MEIS2: variants seen among roughly 807,000 people sequenced by gnomAD.
MEIS2 encodes Meis homeobox 2, also known as homeobox protein Meis2.
In MEIS2, 9 loss-of-function variants were observed where a neutral mutation model predicts 58.6. The ratio of observed to expected loss-of-function variants is 0.15; its 90% CI spans 0.09 to 0.27. MEIS2 has a LOEUF of 0.27. Among genes scored for constraint, MEIS2 ranks in the 10% least tolerant of loss-of-function variants. The probability of loss-of-function intolerance (pLI) is 1.00; values close to 1 mark genes in which losing one functional copy is unlikely to be tolerated. For missense variants in MEIS2, 427 were observed against 635.0 expected (o/e 0.67, Z 3.52); for synonymous variants, 221 against 228.4 (o/e 0.97, Z 0.29).
intron 8 of MEIS2, among the ~76,000 whole-genome samples, chr15:36,976,087 T>C (rs55977801): frequency 0.011 from 1,715 of 152,226 alleles, 35 homozygotes; most frequent in African/African-American, 0.038. Flanking sequence ...TAAAGAGTTT[T>C]ATTTTATTTT....
chr15:36,894,732 C>A (rs369556038), intron 11 of MEIS2: 4 of 1,612,494 alleles, frequency 2.5e-6, no homozygotes, highest in Non-Finnish European at 3.4e-6. Flanking sequence ...CCTTGCTTTG[C>A]GATTGCTTTA....
rs1218969913 is a variant in MEIS2 at position 36,892,100 on chromosome 15, A to G, written c.*73T>C. The G allele has an allele frequency of 2.2e-5, 32 of 1,487,924 alleles. No homozygotes were observed. The highest frequency in any genetic ancestry group is 2.6e-5 in the Non-Finnish European group (28 of 1,076,362). 92.2% of individuals were successfully genotyped at this position (1,487,924 alleles called of 1,614,324 possible). A position where few individuals can be genotyped will look rare whatever the true frequency, so the allele number is the denominator to read the frequency against. On this transcript the variant is annotated 3_prime_UTR_variant, in exon 12 of 12. Coordinates refer to ENST00000561208, the MANE Select transcript of MEIS2 (RefSeq NM_170675.5). Reference sequence around the variant, plus strand: ...GTCTGGAATTTCATATTAAGTGTCAACATCTGGTCAAAGTTCAGAAAGTCT... The same window carrying G: ...GTCTGGAATTTCATATTAAGTGTCAGCATCTGGTCAAAGTTCAGAAAGTCT...
At chr15:36,918,368 G>T (rs566752559) in intron 9 of MEIS2, among the ~76,000 whole-genome samples, 62 of 152,192 alleles carry the variant, frequency 4.1e-4, no homozygotes, top group African/African-American at 1.4e-3. Context: ...TGTAAAATGA[G>T]AATAAATTAT....
At chr15:36,993,972 AT>A in intron 8 of MEIS2, among the ~76,000 whole-genome samples, 2 of 152,202 alleles carry the variant, frequency 1.3e-5, no homozygotes, top group Non-Finnish European at 2.9e-5. Flanking sequence ...AGTTGAGATG[AT>A]TTTCAGGGTC....
At chr15:37,015,191 C>T (rs1369987339) in intron 8 of MEIS2, among the ~76,000 whole-genome samples, 1 of 152,194 alleles carries the variant, frequency 6.6e-6, no homozygotes, top group African/African-American at 2.4e-5. Context: ...TAACGTGCAG[C>T]CCCAGAGGGC....
chr15:37,030,006 A>ATCAG (rs140798436), intron 8 of MEIS2, among the ~76,000 whole-genome samples: 2,631 of 152,172 alleles, frequency 0.017, 76 homozygotes, highest in African/African-American at 0.059. Flanking sequence ...TCTACAATCA[A>ATCAG]TCAATCAATA....
chr15:36,944,141 C>A (rs837133), intron 9 of MEIS2, among the ~76,000 whole-genome samples: 132,963 of 151,976 alleles, frequency 0.87, 58,331 homozygotes, highest in African/African-American at 0.94. Flanking sequence ...CTCTTATTCA[C>A]AATTGGTATG....
At chr15:37,082,995 A>G (rs1452427479) in intron 7 of MEIS2, among the ~76,000 whole-genome samples, 1 of 152,222 alleles carries the variant, frequency 6.6e-6, no homozygotes, top group Non-Finnish European at 1.5e-5. Flanking sequence ...AATATTAAAA[A>G]GTAAAATCTA....
chr15:36,991,789 T>C (rs1219297162), intron 8 of MEIS2, among the ~76,000 whole-genome samples: 8 of 119,172 alleles, frequency 6.7e-5, no homozygotes, highest in Admixed American at 5.0e-4. Flanking sequence ...TTTTCTTTTT[T>C]TTTTTTTTTT....
intron 8 of MEIS2, among the ~76,000 whole-genome samples, chr15:36,999,233 TAG>T (rs2060637997): frequency 6.6e-6 from 1 of 152,158 alleles, no homozygotes; most frequent in Admixed American, 6.5e-5. Flanking sequence ...ATTTAATATA[TAG>T]AGTGTCTACT....
rs1212253316 is a variant in MEIS2 at position 37,098,124 on chromosome 15, G to A, written c.88C>T (p.Pro30Ser). 6 of 1,613,418 alleles carry A rather than the reference G, an allele frequency of 3.7e-6. No homozygotes were observed. Among genetic ancestry groups the A allele is most frequent in the Middle Eastern group, 3.3e-4 (2 of 6,080 alleles). Residue 30 changes from proline (P) to serine (S), a missense_variant, in exon 2 of 12, where the codon CCG (proline) becomes TCG (serine). Physicochemically the swap from Pro to Ser is moderately conservative, Grantham distance 74. Coordinates refer to ENST00000561208, the MANE Select transcript of MEIS2 (RefSeq NM_170675.5). The part of the protein sequence containing the change: ...PASMYGDPHA[P>S]RPIPPVHHLN... ...TGGTGAACCGGGGGGATCGGCCGCG[G>A]CGCGTGAGGGTCTCCGTACATGGAA...
chr15:36,964,745 A>G (rs979727217), intron 8 of MEIS2, among the ~76,000 whole-genome samples: 1 of 152,166 alleles, frequency 6.6e-6, no homozygotes, highest in African/African-American at 2.4e-5. Context: ...ATTTGAATTT[A>G]AAGTGTAGAT....
intron 8 of MEIS2, among the ~76,000 whole-genome samples, chr15:37,015,866 A>G (rs1300462105): frequency 6.6e-6 from 1 of 152,024 alleles, no homozygotes; most frequent in East Asian, 1.9e-4. Context: ...CTACATATGG[A>G]TTTTTAAAGT....
At chr15:36,990,351 GA>G (rs921801880) in intron 8 of MEIS2, among the ~76,000 whole-genome samples, 188 of 140,478 alleles carry the variant, frequency 1.3e-3, no homozygotes, top group Non-Finnish European at 2.0e-3. Flanking sequence ...TGAATCTGCA[GA>G]AAAAAAAAAA....
rs1048000880 is a variant in MEIS2, at chr15:37,099,055, G to C, written c.12+400C>G. On this transcript the variant is annotated intron_variant, in intron 1 of 11. Coordinates refer to ENST00000561208, the MANE Select transcript of MEIS2 (RefSeq NM_170675.5). ...GGCGGCTCCTACGCAGCCCGTGCCCGCCCCGAGCCGCGCGAGCCACGGCGG... is the reference window on the plus strand; with the variant it reads ...GGCGGCTCCTACGCAGCCCGTGCCCCCCCCGAGCCGCGCGAGCCACGGCGG... The C allele has an allele frequency of 8.1e-6, 8 of 984,084 alleles. No individual in the cohort carries two copies. In the South Asian group the frequency reaches 2.7e-4, roughly 34 times the overall value. The allele number at this position is 984,084 out of a possible 1,614,324, so 61.0% of individuals were successfully genotyped here. A position where few individuals can be genotyped will look rare whatever the true frequency, so the allele number is the denominator to read the frequency against.
chr15:37,037,690 T>A (rs7167446), intron 7 of MEIS2, among the ~76,000 whole-genome samples: 2 of 152,114 alleles, frequency 1.3e-5, no homozygotes, highest in African/African-American at 4.8e-5. Context: ...TCTTGCCCTC[T>A]GGCAAAAATG....
chr15:36,912,319 A>T (rs2057070219), intron 9 of MEIS2, among the ~76,000 whole-genome samples: 1 of 151,554 alleles, frequency 6.6e-6, no homozygotes, highest in Admixed American at 6.6e-5. Flanking sequence ...TCTCTTATCT[A>T]CTCCCCTTGG....
At chr15:36,901,442 G>T (rs1325852126) in intron 9 of MEIS2, among the ~76,000 whole-genome samples, 1 of 152,108 alleles carries the variant, frequency 6.6e-6, no homozygotes, top group African/African-American at 2.4e-5. Context: ...GATGAACTTG[G>T]GCACGCAAAT....
intron 9 of MEIS2, among the ~76,000 whole-genome samples, chr15:36,932,631 T>G (rs1420686336): frequency 6.6e-6 from 1 of 152,146 alleles, no homozygotes; most frequent in Non-Finnish European, 1.5e-5. Flanking sequence ...TGAAGGGCCC[T>G]AAGATTGTGG....
Sources: gnomAD v4.1 joint callset for allele counts (sites outside exome capture counted in the v4.1 genomes callset) on GRCh38, gnomAD v4.1.1 for gene constraint, MANE v1.5 for transcripts, NCBI Gene and HGNC (gene_info 2026-07-23, HGNC 2026-07-21) for gene names.